Variants in CELSR1 observed in about 807,000 individuals in gnomAD.
The protein encoded by CELSR1 is cadherin EGF LAG seven-pass G-type receptor 1, also known as adhesion G protein-coupled receptor C1.
Under a neutral mutation model 249.1 loss-of-function variants are expected in CELSR1, and 110 were observed. That is an observed-to-expected ratio of 0.44 (90% CI 0.38 to 0.52). The LOEUF is 0.52. Among genes scored for constraint, CELSR1 ranks in the 20% least tolerant of loss-of-function variants. The pLI, the probability that CELSR1 is intolerant of heterozygous loss-of-function variation, is 0.00. For synonymous variants in CELSR1, 2,113 were observed against 1,900.0 expected (o/e 1.11, Z -2.92); for missense variants, 4,109 against 4,296.4 (o/e 0.96, Z 1.22).
intron 1 of CELSR1, among the ~76,000 whole-genome samples, chr22:46,516,170 C>G (rs563098790): frequency 7.9e-5 from 12 of 152,234 alleles, no homozygotes; most frequent in African/African-American, 2.2e-4. Flanking sequence ...ATGTTTATTG[C>G]GGCACTACTC....
chr22:46,366,700 G>C (rs1478201388), intron 29 of CELSR1, among the ~76,000 whole-genome samples: 4 of 152,194 alleles, frequency 2.6e-5, no homozygotes, highest in Non-Finnish European at 5.9e-5. Context: ...TGTGGTCAGG[G>C]GCTGCCGCCC....
intron 1 of CELSR1, among the ~76,000 whole-genome samples, chr22:46,525,305 C>T (rs902613750): frequency 4.6e-5 from 7 of 152,096 alleles, no homozygotes; most frequent in East Asian, 1.9e-4. Flanking sequence ...CAAAATTAGC[C>T]GGGTGTGGTG....
intron 1 of CELSR1, among the ~76,000 whole-genome samples, chr22:46,515,564 G>A (rs926786744): frequency 3.9e-5 from 6 of 152,166 alleles, no homozygotes; most frequent in African/African-American, 1.2e-4. Context: ...AAGCTGCAGG[G>A]CACCCCGGGG....
chr22:46,481,379 G>A, intron 1 of CELSR1: 2 of 949,078 alleles, frequency 2.1e-6, no homozygotes, highest in Non-Finnish European at 3.4e-6. Flanking sequence ...ATAGTTGGGA[G>A]CAGGTGCATG....
In CELSR1 at chr22:46,495,946, C is replaced by T. The variant is rs1002513156; in HGVS notation, c.3545-31601G>A. ...TGGTGGCTCATGCCTGTAATCCCAG[C>T]GCTTTGGGAGGCCAAGGTGGGCGGA... On this transcript the variant is annotated intron_variant, in intron 1 of 34. Transcript: ENST00000674500. Among the ~76,000 whole-genome samples the T allele has an allele frequency of 8.5e-5, 13 of 152,062 alleles. No homozygotes were observed. In the East Asian group the frequency reaches 9.6e-4, roughly 11 times the overall value.
chr22:46,525,703 T>C (rs1283417591), intron 1 of CELSR1, among the ~76,000 whole-genome samples: 2 of 152,222 alleles, frequency 1.3e-5, no homozygotes, highest in East Asian at 1.9e-4. Flanking sequence ...ATGAGCCCCG[T>C]GGCACCGGGC....
chr22:46,514,300 T>G (rs989147973), intron 1 of CELSR1, among the ~76,000 whole-genome samples: 2 of 152,144 alleles, frequency 1.3e-5, no homozygotes, highest in Non-Finnish European at 1.5e-5. Context: ...CTACTCACAA[T>G]GGAGCCGGCA....
At position 46,467,522 on chromosome 22, in the gene CELSR1, T is replaced by C. The variant is rs186443633; in HGVS notation, c.3545-3177A>G. 8.6e-3 allele frequency among the ~76,000 whole-genome samples: 1,290 copies of C among 150,442 alleles called. 47 individuals carry two copies. The highest frequency in any genetic ancestry group is 0.055 in the East Asian group (285 of 5,180). Reference sequence around the variant, plus strand: ...CACGAACATGTTATATATATATATATATAGAAAACTCTGGAAGGAGCCGGG... The same window carrying C: ...CACGAACATGTTATATATATATATACATAGAAAACTCTGGAAGGAGCCGGG... On this transcript the variant is annotated intron_variant, in intron 1 of 34. Transcript: ENST00000674500.
At position 46,526,397 on chromosome 22, in the gene CELSR1, C is replaced by T. The variant is rs1569219552; in HGVS notation, c.3544+7230G>A. Among the ~76,000 whole-genome samples the T allele has an allele frequency of 6.6e-6, 1 of 152,182 alleles. No homozygotes were observed. The highest frequency in any genetic ancestry group is 1.5e-5 in the Non-Finnish European group (1 of 68,026). ...CAACTCTGCTGGGCCTTTAGCTCAG[C>T]CTTGTGCAGGCCTGTCCCCATGACA... On this transcript the variant is annotated intron_variant, in intron 1 of 34. Coordinates refer to ENST00000674500, the MANE Select transcript of CELSR1 (RefSeq NM_001378328.1). The surrounding 1 kb of genome is among the most constrained non-coding windows in gnomAD (Gnocchi z 4.7).
rs892709809 is a variant in CELSR1 at position 46,445,579 on chromosome 22, T to C, written c.4184-6168A>G. ...CGATGACTTAAGGACCCAAACTCAT[T>C]ACATCTGGAAAGAGCCCATTTCCAA... On this transcript the variant is annotated intron_variant, in intron 2 of 34. Transcript: ENST00000674500. The surrounding 1 kb of genome is among the most constrained non-coding windows in gnomAD (Gnocchi z 4.4). 3.5e-4 allele frequency among the ~76,000 whole-genome samples: 54 copies of C among 152,130 alleles called. No homozygotes were observed. Among genetic ancestry groups the C allele is most frequent in the African/African-American group, 1.3e-3 (52 of 41,416 alleles).
intron 2 of CELSR1, 78 bp from the exon 3 acceptor site, chr22:46,439,489 T>TGGACACACCCC: frequency 8.4e-7 from 1 of 1,185,126 alleles, no homozygotes; most frequent in Non-Finnish European, 1.2e-6. Context: ...TCGCAGACCC[T>TGGACACACCCC]GGACACACCC....
At chr22:46,480,795 G>GT (rs1437251508) in intron 1 of CELSR1, among the ~76,000 whole-genome samples, 1 of 152,182 alleles carries the variant, frequency 6.6e-6, no homozygotes, top group Non-Finnish European at 1.5e-5. Context: ...AAACTCTCCT[G>GT]TAATATCTCT....
rs1165398408 is a variant in CELSR1, at chr22:46,436,337, CA to C, written c.4407-49del. On this transcript the variant is annotated intron_variant, in intron 3 of 34. Coordinates refer to ENST00000674500, the MANE Select transcript of CELSR1 (RefSeq NM_001378328.1). The surrounding 1 kb of genome is among the most constrained non-coding windows in gnomAD (Gnocchi z 5.9). ...ATCACAGGATGAAGACCCCAGGGTC[CA>C]AAGGCTGCCTAGGAATGACAAGTCC... 6.9e-7 allele frequency: 1 copy of C among 1,445,422 alleles called. No homozygotes were observed. Among genetic ancestry groups the C allele is most frequent in the Admixed American group, 1.7e-5 (1 of 57,890 alleles). The allele number at this position is 1,445,422 out of a possible 1,614,324, so 89.5% of individuals were successfully genotyped here.
intron 1 of CELSR1, among the ~76,000 whole-genome samples, chr22:46,483,510 T>A (rs1294920633): frequency 6.7e-6 from 1 of 148,222 alleles, no homozygotes; most frequent in African/African-American, 2.5e-5. Context: ...TGCCACCCAC[T>A]TCCTCTGTGA....
chr22:46,410,292 A>G lies in CELSR1; in HGVS notation c.4933+106T>C, dbSNP rs2079317629. On this transcript the variant is annotated intron_variant, in intron 7 of 34. Coordinates refer to ENST00000674500, the MANE Select transcript of CELSR1 (RefSeq NM_001378328.1). The surrounding 1 kb of genome is among the most constrained non-coding windows in gnomAD (Gnocchi z 6.8). The stretch of plus-strand genomic sequence containing the variant: ...ACCGCTGGACACATACATTTCTAAG[A>G]AAAACACGGCTCCCCAGGGATCTGC... 6 of 1,428,224 alleles carry G rather than the reference A, an allele frequency of 4.2e-6. No individual in the cohort carries two copies. In the South Asian group the frequency reaches 6.3e-5, roughly 15 times the overall value. The allele number at this position is 1,428,224 out of a possible 1,614,324, so 88.5% of individuals were successfully genotyped here. A position where few individuals can be genotyped will look rare whatever the true frequency, so the allele number is the denominator to read the frequency against.
rs1036187473 is a variant in CELSR1 at position 46,484,775 on chromosome 22, G to A, written c.3545-20430C>T. 2.8e-5 allele frequency among the ~76,000 whole-genome samples: 4 copies of A among 144,320 alleles called. No homozygotes were observed. The highest frequency in any genetic ancestry group is 7.6e-5 in the African/African-American group (3 of 39,244). The allele number at this position is 144,320 out of a possible 152,430, so 94.7% of individuals were successfully genotyped here. On this transcript the variant is annotated intron_variant, in intron 1 of 34. Coordinates refer to ENST00000674500, the MANE Select transcript of CELSR1 (RefSeq NM_001378328.1). The surrounding 1 kb of genome is among the most constrained non-coding windows in gnomAD (Gnocchi z 4.5). ...CTGCCTGAGGTCTCCAAACACTACCGAAGCCCACCTCCAGGAACAAGGATA... is the reference window on the plus strand; with the variant it reads ...CTGCCTGAGGTCTCCAAACACTACCAAAGCCCACCTCCAGGAACAAGGATA...
chr22:46,529,812 A>T (rs1003573886), intron 1 of CELSR1, among the ~76,000 whole-genome samples: 1 of 152,154 alleles, frequency 6.6e-6, no homozygotes, highest in Non-Finnish European at 1.5e-5. Context: ...CAAAAAAAAA[A>T]AAAGAATAAG....
intron 1 of CELSR1, chr22:46,481,258 T>A: frequency 5.3e-6 from 2 of 379,342 alleles, no homozygotes; most frequent in Non-Finnish European, 4.9e-6. Flanking sequence ...AAAAAAAGAC[T>A]AAAATTCCCA....
rs548602583 is a variant in CELSR1 at position 46,508,900 on chromosome 22, G to A, written c.3544+24727C>T. On this transcript the variant is annotated intron_variant, in intron 1 of 34. Coordinates refer to ENST00000674500, the MANE Select transcript of CELSR1 (RefSeq NM_001378328.1). The stretch of plus-strand genomic sequence containing the variant: ...GCAGTCAGACCCTGCTGTTGTCTCC[G>A]CCAAGGCCAGCGGCTACGATGGTCA... 1.3e-3 allele frequency among the ~76,000 whole-genome samples: 197 copies of A among 152,254 alleles called. 2 individuals carry two copies. Among genetic ancestry groups the A allele is most frequent in the South Asian group, 8.9e-3 (43 of 4,818 alleles).
Sources: gnomAD v4.1 joint callset for allele counts (sites outside exome capture counted in the v4.1 genomes callset) on GRCh38, gnomAD v4.1.1 for gene constraint, Gnocchi (gnomAD v3.1) non-coding constraint, MANE v1.5 for transcripts, NCBI Gene and HGNC (gene_info 2026-07-23, HGNC 2026-07-21) for gene names.